The following BMP6 variants were observed in gnomAD, a reference collection of about 807,000 sequenced individuals.
BMP6 encodes the protein bone morphogenetic protein 6, also known as VG-1-R.
In BMP6, 17 loss-of-function variants were observed where a neutral mutation model predicts 54.1. That is an observed-to-expected ratio of 0.31 (90% CI 0.22 to 0.47). The LOEUF (loss-of-function observed/expected upper bound fraction) is 0.47. BMP6 is among the 20% of genes least tolerant of loss of function. The pLI, the probability that BMP6 is intolerant of heterozygous loss-of-function variation, is 1.00. For synonymous variants in BMP6, 328 were observed against 291.2 expected (o/e 1.13, Z -1.28); for missense variants, 720 against 690.4 (o/e 1.04, Z -0.48).
intron 1 of BMP6, among the ~76,000 whole-genome samples, chr6:7,751,538 A>G (rs1382121338): frequency 1.3e-5 from 2 of 152,234 alleles, no homozygotes; most frequent in Admixed American, 6.5e-5. Flanking sequence ...TTGGGTTGAC[A>G]CATATATTTT....
chr6:7,775,637 T>C (rs1416132770), intron 1 of BMP6, among the ~76,000 whole-genome samples: 5 of 152,220 alleles, frequency 3.3e-5, no homozygotes, highest in African/African-American at 1.2e-4. Flanking sequence ...AGGGACCGGG[T>C]TCATGTCCCC....
intron 1 of BMP6, among the ~76,000 whole-genome samples, chr6:7,819,529 G>C (rs1456874272): frequency 6.6e-6 from 1 of 152,056 alleles, no homozygotes; most frequent in Non-Finnish European, 1.5e-5. Context: ...AAGTAAAAAA[G>C]GGATGTAAGG....
At chr6:7,855,529 TAATCTC>T (rs1759211678) in intron 2 of BMP6, among the ~76,000 whole-genome samples, 1 of 146,958 alleles carries the variant, frequency 6.8e-6, no homozygotes, top group African/African-American at 2.5e-5. Context: ...GCAAGCCACT[TAATCTC>T]AATCTCTCTC....
At chr6:7,824,343 C>T (rs1758659482) in intron 1 of BMP6, among the ~76,000 whole-genome samples, 3 of 152,192 alleles carry the variant, frequency 2.0e-5, no homozygotes, top group Non-Finnish European at 2.9e-5. Flanking sequence ...CAGGGGTCTC[C>T]GTCCGGCTTG....
At chr6:7,874,099 C>T (rs1759569893) in intron 4 of BMP6, among the ~76,000 whole-genome samples, 2 of 152,092 alleles carry the variant, frequency 1.3e-5, no homozygotes, top group South Asian at 4.1e-4. Flanking sequence ...CCTGCTGCAC[C>T]CAGCTGGCAG....
chr6:7,747,885 A>T (rs1757369877), intron 1 of BMP6, among the ~76,000 whole-genome samples: 1 of 151,612 alleles, frequency 6.6e-6, no homozygotes, highest in Admixed American at 6.6e-5. Flanking sequence ...GCCTCAAGCG[A>T]TCCTCCTGCC....
At chr6:7,857,224 C>G (rs748812907) in intron 2 of BMP6, among the ~76,000 whole-genome samples, 1 of 152,196 alleles carries the variant, frequency 6.6e-6, no homozygotes, top group African/African-American at 2.4e-5. Flanking sequence ...TTCATCAACT[C>G]TAAAGCCAGG....
chr6:7,861,220 G>A (rs2113276353), intron 2 of BMP6, among the ~76,000 whole-genome samples: 1 of 152,128 alleles, frequency 6.6e-6, no homozygotes, highest in South Asian at 2.1e-4. Flanking sequence ...CGGGGTGAAA[G>A]CTGATTTCTA....
At chr6:7,762,190 G>A (rs4960354) in intron 1 of BMP6, among the ~76,000 whole-genome samples, 25,476 of 152,150 alleles carry the variant, frequency 0.17, 2,541 homozygotes, top group South Asian at 0.26. Flanking sequence ...CCAAAGTGCT[G>A]GCATTACAGG....
chr6:7,744,381 CA>C (rs1757317077), intron 1 of BMP6, among the ~76,000 whole-genome samples: 2 of 152,206 alleles, frequency 1.3e-5, no homozygotes, highest in South Asian at 4.2e-4. Context: ...GAGGTTGAGG[CA>C]GGAGAATCAC....
At chr6:7,854,246 T>G (rs1759189423) in intron 2 of BMP6, among the ~76,000 whole-genome samples, 1 of 152,220 alleles carries the variant, frequency 6.6e-6, no homozygotes, top group Admixed American at 6.5e-5. Flanking sequence ...TACTATGTTG[T>G]CCAGCTTTGT....
chr6:7,742,204 A>G (rs1313078815), intron 1 of BMP6, among the ~76,000 whole-genome samples: 1 of 152,156 alleles, frequency 6.6e-6, no homozygotes, highest in African/African-American at 2.4e-5. Context: ...GACTTTCTAA[A>G]TTTTTTTAAA....
In BMP6 at chr6:7,776,970, C is replaced by T. The variant is rs781004226; in HGVS notation, c.664+49351C>T. ...AGTCTGGCTACAACTCAACTATCTA[C>T]GCCCAAATGTTTTCTTTGAAGATCA... On this transcript the variant is annotated intron_variant, in intron 1 of 6. Coordinates refer to ENST00000283147, the MANE Select transcript of BMP6 (RefSeq NM_001718.6). Among the ~76,000 whole-genome samples, 134 of 152,330 alleles carry T rather than the reference C, an allele frequency of 8.8e-4. 2 individuals carry two copies. The highest frequency in any genetic ancestry group is 2.2e-4 in the Non-Finnish European group (15 of 68,032).
At chr6:7,764,828 T>C (rs573570011) in intron 1 of BMP6, among the ~76,000 whole-genome samples, 1 of 152,268 alleles carries the variant, frequency 6.6e-6, no homozygotes, top group South Asian at 2.1e-4. Flanking sequence ...CAGCAGTAGC[T>C]GATGCAGGAC....
intron 4 of BMP6, among the ~76,000 whole-genome samples, chr6:7,872,814 CTTTTTT>C (rs55666956): frequency 2.2e-5 from 3 of 133,838 alleles, no homozygotes; most frequent in East Asian, 2.1e-4. Flanking sequence ...CTTTTTTTTT[CTTTTTT>C]TTTTTTTTTT....
chr6:7,817,346 G>A (rs543810688), intron 1 of BMP6, among the ~76,000 whole-genome samples: 9 of 152,082 alleles, frequency 5.9e-5, no homozygotes, highest in African/African-American at 2.2e-4. Context: ...TATATATTAA[G>A]GTCAAAAACT....
chr6:7,803,487 T>A (rs1172166374), intron 1 of BMP6, among the ~76,000 whole-genome samples: 1 of 152,116 alleles, frequency 6.6e-6, no homozygotes, highest in Non-Finnish European at 1.5e-5. Context: ...TTTCATTTCT[T>A]CCCATCCTGC....
chr6:7,862,481 G>A lies in BMP6; in HGVS notation c.1187G>A (p.Arg396Gln), dbSNP rs151272884. The change falls in exon 4 of 7, where the codon CGG becomes CAG. Residue 396 changes from arginine (R) to glutamine (Q), a missense_variant. This residue lies in a region of BMP6 where 650 missense variants were observed against 556.3 expected (regional missense o/e 1.17). Coordinates refer to ENST00000283147, the MANE Select transcript of BMP6 (RefSeq NM_001718.6). ...NRSTQSQDVA[R>Q]VSSASDYNSS... ...TCTACCCAGTCCCAGGACGTGGCGC[G>A]GGTCTCCAGTGCTTCAGGTGGGTTT... The A allele has an allele frequency of 8.1e-6, 13 of 1,613,902 alleles. No individual in the cohort carries two copies. The highest frequency in any genetic ancestry group is 5.3e-5 in the African/African-American group (4 of 74,916).
chr6:7,764,453 C>T (rs970421509), intron 1 of BMP6, among the ~76,000 whole-genome samples: 1 of 152,094 alleles, frequency 6.6e-6, no homozygotes, highest in African/African-American at 2.4e-5. Flanking sequence ...AAGTTTTGGG[C>T]CTCACTCCTG....
Sources: gnomAD v4.1 joint callset for allele counts (sites outside exome capture counted in the v4.1 genomes callset) on GRCh38, gnomAD v4.1.1 for gene constraint, gnomAD v4.1.1 regional missense constraint, MANE v1.5 for transcripts, NCBI Gene and HGNC (gene_info 2026-07-23, HGNC 2026-07-21) for gene names.